XKR9: variants seen among roughly 807,000 people sequenced by gnomAD.
XKR9 encodes XK related 9, also known as XK-related protein 9.
XKR9 carries 32 observed loss-of-function variants against 32.0 expected under a neutral mutation model. The ratio of observed to expected loss-of-function variants is 1.00; its 90% CI spans 0.76 to 1.34. The LOEUF (loss-of-function observed/expected upper bound fraction) is 1.34. Among genes scored for constraint, XKR9 ranks in the 40% most tolerant of loss-of-function variants. The pLI is 0.00. For missense variants in XKR9, 546 were observed against 429.7 expected, an observed-to-expected ratio of 1.27 and a Z score of -2.39; for synonymous variants, 168 against 143.4, an observed-to-expected ratio of 1.17 and a Z score of -1.22.
chr8:70,937,146 G>A, the XKR9 span, among the ~76,000 whole-genome samples: 2 of 151,912 alleles, frequency 1.3e-5, no homozygotes, highest in Admixed American at 1.3e-4. Flanking sequence ...ATGTATGTGT[G>A]TGTGTGACTG....
chr8:70,834,360 T>G, the XKR9 span, among the ~76,000 whole-genome samples: 85 of 152,284 alleles, frequency 5.6e-4, 1 homozygote, highest in Middle Eastern at 3.4e-3. Flanking sequence ...GGGACATTTA[T>G]ATTGTTTCCA....
chr8:70,752,573 C>A (rs569066821), intron 2 of XKR9, among the ~76,000 whole-genome samples: 1 of 152,242 alleles, frequency 6.6e-6, no homozygotes, highest in East Asian at 1.9e-4. Flanking sequence ...CCCTTAATGA[C>A]CTAATCACCT....
the XKR9 span, among the ~76,000 whole-genome samples, chr8:71,062,934 G>A: frequency 2.6e-5 from 4 of 151,968 alleles, no homozygotes; most frequent in Non-Finnish European, 5.9e-5. Context: ...CTCTGTATTC[G>A]AGCTATAAGC....
the XKR9 span, among the ~76,000 whole-genome samples, chr8:71,006,358 A>G: frequency 1.3e-5 from 2 of 152,220 alleles, no homozygotes; most frequent in Non-Finnish European, 2.9e-5. Flanking sequence ...CTCACTAGCT[A>G]TCATTGGCGT....
intron 2 of XKR9, among the ~76,000 whole-genome samples, chr8:70,752,879 A>T (rs1807162294): frequency 2.0e-5 from 3 of 152,340 alleles, no homozygotes; most frequent in African/African-American, 7.2e-5. Flanking sequence ...GAGCAAACAC[A>T]TTCAAAAGCT....
chr8:70,789,627 A>T (rs1043493201), intron 3 of XKR9, among the ~76,000 whole-genome samples: 2 of 152,088 alleles, frequency 1.3e-5, no homozygotes, highest in Non-Finnish European at 2.9e-5. Flanking sequence ...TGAAATTTAC[A>T]CTTTTCTAAA....
chr8:70,800,474 G>T, the XKR9 span, among the ~76,000 whole-genome samples: 8 of 152,112 alleles, frequency 5.3e-5, no homozygotes, highest in Non-Finnish European at 8.8e-5. Flanking sequence ...GAATTTGGCT[G>T]TAAGTCCATC....
At chr8:70,956,710 G>C in the XKR9 span, among the ~76,000 whole-genome samples, 1 of 152,180 alleles carries the variant, frequency 6.6e-6, no homozygotes, top group African/African-American at 2.4e-5. Context: ...AGTAGGATGG[G>C]GGCTAGTGTG....
At chr8:70,945,828 C>T in the XKR9 span, among the ~76,000 whole-genome samples, 2 of 152,188 alleles carry the variant, frequency 1.3e-5, no homozygotes, top group Non-Finnish European at 2.9e-5. Context: ...GACTTACAGA[C>T]TTACTACCAT....
intron 4 of XKR9, among the ~76,000 whole-genome samples, chr8:70,731,086 G>C (rs550870885): frequency 5.9e-5 from 9 of 152,176 alleles, no homozygotes; most frequent in Admixed American, 5.2e-4. Context: ...GCCTTATAGG[G>C]GCCCTAAACC....
chr8:70,900,003 G>T, the XKR9 span, among the ~76,000 whole-genome samples: 1 of 152,054 alleles, frequency 6.6e-6, no homozygotes, highest in Non-Finnish European at 1.5e-5. Context: ...ACACTTCTAT[G>T]AACAGTGCCT....
At chr8:70,893,839 C>T in the XKR9 span, among the ~76,000 whole-genome samples, 1 of 152,056 alleles carries the variant, frequency 6.6e-6, no homozygotes, top group Non-Finnish European at 1.5e-5. Context: ...GGTGCAGGTG[C>T]TCAGAGTACC....
chr8:70,782,896 A>G (rs1330900063), intron 2 of XKR9, among the ~76,000 whole-genome samples: 1 of 152,180 alleles, frequency 6.6e-6, no homozygotes, highest in Non-Finnish European at 1.5e-5. Flanking sequence ...AGGACTGCCA[A>G]CACCTCTTCT....
the XKR9 span, among the ~76,000 whole-genome samples, chr8:71,065,385 A>G: frequency 2.0e-5 from 3 of 152,170 alleles, no homozygotes; most frequent in Admixed American, 1.3e-4. Flanking sequence ...ACACAACAAG[A>G]TATCAGTCAC....
chr8:70,714,275 G>A (rs972445428), intron 4 of XKR9, among the ~76,000 whole-genome samples: 5 of 151,882 alleles, frequency 3.3e-5, no homozygotes, highest in South Asian at 4.2e-4. Flanking sequence ...TTGGGGATAC[G>A]CAATACAGTC....
the XKR9 span, among the ~76,000 whole-genome samples, chr8:70,809,635 T>A: frequency 1.3e-5 from 2 of 152,152 alleles, no homozygotes; most frequent in African/African-American, 4.8e-5. Context: ...GCATGAGAAC[T>A]ACATGATGAA....
chr8:71,034,753 G>A, the XKR9 span, among the ~76,000 whole-genome samples: 7 of 151,966 alleles, frequency 4.6e-5, no homozygotes, highest in African/African-American at 1.7e-4. Flanking sequence ...GGTCCCGGAC[G>A]TCATGGAACA....
chr8:70,906,505 C>T, the XKR9 span, among the ~76,000 whole-genome samples: 9,569 of 152,204 alleles, frequency 0.063, 419 homozygotes, highest in Non-Finnish European at 0.089. Context: ...AGAGCTAGTA[C>T]CTGTGGTTGC....
intron 4 of XKR9, among the ~76,000 whole-genome samples, chr8:70,715,673 C>T (rs1385408071): frequency 2.6e-5 from 4 of 151,948 alleles, no homozygotes; most frequent in Admixed American, 2.6e-4. Context: ...ATCATTATAT[C>T]ATTTCAGAGA....
Sources: gnomAD v4.1 joint callset for allele counts (sites outside exome capture counted in the v4.1 genomes callset) on GRCh38, gnomAD v4.1.1 for gene constraint, MANE v1.5 for transcripts, NCBI Gene and HGNC (gene_info 2026-07-23, HGNC 2026-07-21) for gene names.